The following BABAM2 variants were observed in gnomAD, a reference collection of about 807,000 sequenced individuals.
The protein encoded by BABAM2 is BRISC and BRCA1 A complex member 2, also known as BRISC and BRCA1-A complex member 2.
BABAM2 carries 31 observed loss-of-function variants against 54.7 expected under a neutral mutation model. The ratio of observed to expected loss-of-function variants is 0.57; its 90% CI spans 0.43 to 0.77. BABAM2 has a LOEUF of 0.77. BABAM2 is among the 30% of genes least tolerant of loss of function. The pLI is 0.00. For synonymous variants in BABAM2, 167 were observed against 162.9 expected, an observed-to-expected ratio of 1.03 and a Z score of -0.19; for missense variants, 364 against 455.8, an observed-to-expected ratio of 0.80 and a Z score of 1.83.
chr2:28,074,004 CATATATACACACACATATATACACAT>C (rs952681964), intron 6 of BABAM2, among the ~76,000 whole-genome samples: 1 of 150,562 alleles, frequency 6.6e-6, no homozygotes, highest in African/African-American at 2.5e-5. Flanking sequence ...TATATTTACA[CATATATACACACACATATATACACAT>C]ATATATACAC....
intron 11 of BABAM2, among the ~76,000 whole-genome samples, chr2:28,320,322 A>G (rs1340566055): frequency 1.3e-5 from 2 of 152,256 alleles, no homozygotes; most frequent in African/African-American, 4.8e-5. Context: ...CCAAATGTGC[A>G]GAGCACCATG....
At chr2:28,261,759 TCCTCCTTTCCCCTCCCCTCC>T (rs1340884046) in intron 10 of BABAM2, among the ~76,000 whole-genome samples, 1 of 140,956 alleles carries the variant, frequency 7.1e-6, no homozygotes, top group Non-Finnish European at 1.5e-5. Flanking sequence ...CCCTCCCCTC[TCCTCCTTTCCCCTCCCCTCC>T]CCTCCCCTTC....
intron 10 of BABAM2, among the ~76,000 whole-genome samples, chr2:28,261,850 A>G (rs1425004518): frequency 1.4e-5 from 2 of 141,668 alleles, no homozygotes; most frequent in African/African-American, 5.3e-5. Context: ...TCATTTATAT[A>G]TTGATTTATC....
chr2:28,279,855 G>A (rs1686206288), intron 10 of BABAM2, among the ~76,000 whole-genome samples: 1 of 151,610 alleles, frequency 6.6e-6, no homozygotes, highest in Admixed American at 6.6e-5. Context: ...TAGTAGAGAT[G>A]GGGTTTCTCC....
intron 10 of BABAM2, among the ~76,000 whole-genome samples, chr2:28,281,829 A>G (rs755879949): frequency 2.0e-5 from 3 of 152,226 alleles, no homozygotes; most frequent in Non-Finnish European, 4.4e-5. Context: ...TCTTGAAGAC[A>G]CAAATGAGAC....
intron 6 of BABAM2, among the ~76,000 whole-genome samples, chr2:28,074,852 G>A (rs745446088): frequency 2.0e-5 from 3 of 152,120 alleles, no homozygotes; most frequent in Non-Finnish European, 2.9e-5. Flanking sequence ...TGTTTGAGAT[G>A]TAAGTTTTCC....
intron 5 of BABAM2, 99 bp from the exon 6 acceptor site, chr2:28,045,626 C>A: frequency 1.1e-6 from 1 of 950,616 alleles, no homozygotes; most frequent in Non-Finnish European, 1.5e-6. Context: ...TTGAAGATGC[C>A]TGCATTTTGA....
intron 2 of BABAM2, among the ~76,000 whole-genome samples, chr2:27,922,914 C>G (rs1033869695): frequency 2.0e-5 from 3 of 152,160 alleles, no homozygotes; most frequent in Non-Finnish European, 4.4e-5. Context: ...AGTTGCCATT[C>G]TATAAATATA....
At chr2:28,070,556 CT>C (rs35933472) in intron 6 of BABAM2, among the ~76,000 whole-genome samples, 5 of 147,220 alleles carry the variant, frequency 3.4e-5, no homozygotes, top group African/African-American at 5.0e-5. Flanking sequence ...CTTTTCTTTT[CT>C]TTTTTTTTTT....
intron 3 of BABAM2, among the ~76,000 whole-genome samples, chr2:27,971,299 T>G (rs527422156): frequency 1.6e-4 from 24 of 152,294 alleles, no homozygotes; most frequent in African/African-American, 4.8e-4. Context: ...AGGGATTGAA[T>G]GAATTAATAA....
intron 10 of BABAM2, among the ~76,000 whole-genome samples, chr2:28,280,163 G>C (rs1686233145): frequency 6.6e-6 from 1 of 151,380 alleles, no homozygotes; most frequent in African/African-American, 2.4e-5. Context: ...GGCTCAAGCA[G>C]TCCTCCCATC....
intron 7 of BABAM2, among the ~76,000 whole-genome samples, chr2:28,230,718 GA>G (rs147700429): frequency 2.8e-5 from 4 of 141,408 alleles, no homozygotes; most frequent in South Asian, 2.3e-4. Context: ...CCTGTCTCAG[GA>G]AAAAAAAAAA....
At chr2:28,013,264 A>G in intron 4 of BABAM2, 1 of 430,388 alleles carries the variant, frequency 2.3e-6, no homozygotes, top group South Asian at 1.7e-5. Flanking sequence ...CTGGCACAAA[A>G]TTGAGATGAT....
rs527930831 is a variant in BABAM2 at position 28,304,420 on chromosome 2, A to G, written c.1088+5929A>G. Among the ~76,000 whole-genome samples the G allele has an allele frequency of 6.7e-6, 1 of 150,214 alleles. No individual in the cohort carries two copies. Among genetic ancestry groups the G allele is most frequent in the Non-Finnish European group, 1.5e-5 (1 of 67,570 alleles). Reference sequence around the variant, plus strand: ...ATAAAATATTTATAAATATATAAAAATATAAACAAAATTTTTAAAAATTTA... The same window carrying G: ...ATAAAATATTTATAAATATATAAAAGTATAAACAAAATTTTTAAAAATTTA... On this transcript the variant is annotated intron_variant, in intron 11 of 11. Transcript: ENST00000379624. The surrounding 1 kb of genome is among the most constrained non-coding windows in gnomAD (Gnocchi z 4.0).
chr2:28,092,620 C>T (rs1003178803), intron 6 of BABAM2, among the ~76,000 whole-genome samples: 13 of 152,164 alleles, frequency 8.5e-5, no homozygotes, highest in South Asian at 4.2e-4. Context: ...ATCTTTACAG[C>T]CCCCCAGGAT....
At chr2:28,188,040 G>A (rs753426281) in intron 7 of BABAM2, among the ~76,000 whole-genome samples, 9 of 151,988 alleles carry the variant, frequency 5.9e-5, no homozygotes, top group Non-Finnish European at 7.4e-5. Context: ...TTCCCCGGGC[G>A]CAGGCAGTAG....
intron 3 of BABAM2, among the ~76,000 whole-genome samples, chr2:27,948,662 T>C (rs547842582): frequency 8.5e-5 from 13 of 152,100 alleles, no homozygotes; most frequent in African/African-American, 3.1e-4. Context: ...TCCCAGCTAC[T>C]TGGGAGGCTG....
intron 6 of BABAM2, among the ~76,000 whole-genome samples, chr2:28,104,790 A>T (rs545489194): frequency 1.3e-5 from 2 of 152,316 alleles, no homozygotes; most frequent in South Asian, 4.1e-4. Context: ...GAACCAACCC[A>T]AATGTCCATC....
At chr2:28,099,759 A>G (rs1666919210) in intron 6 of BABAM2, among the ~76,000 whole-genome samples, 2 of 152,316 alleles carry the variant, frequency 1.3e-5, no homozygotes, top group African/African-American at 4.8e-5. Flanking sequence ...CTCATTGGCT[A>G]TAGGCATCTT....
Sources: gnomAD v4.1 joint callset for allele counts (sites outside exome capture counted in the v4.1 genomes callset) on GRCh38, gnomAD v4.1.1 for gene constraint, Gnocchi (gnomAD v3.1) non-coding constraint, MANE v1.5 for transcripts, NCBI Gene and HGNC (gene_info 2026-07-23, HGNC 2026-07-21) for gene names.